The following ADAMTS3 variants were observed in gnomAD, a reference collection of about 807,000 sequenced individuals.
ADAMTS3 encodes the protein ADAM metallopeptidase with thrombospondin type 1 motif 3, also known as A disintegrin and metalloproteinase with thrombospondin motifs 3.
In ADAMTS3, 73 loss-of-function variants were observed where a neutral mutation model predicts 129.0. The ratio of observed to expected loss-of-function variants is 0.57; its 90% CI spans 0.47 to 0.69. The LOEUF is 0.69. Ranked by LOEUF, ADAMTS3 falls within the 30% of genes least tolerant of loss-of-function variation. ADAMTS3 has a pLI of 0.00. For missense variants in ADAMTS3, 1,457 were observed against 1,514.5 expected (o/e 0.96, Z 0.63); for synonymous variants, 477 against 510.8 (o/e 0.93, Z 0.89).
At chr4:72,497,497 G>T (rs1193647592) in intron 3 of ADAMTS3, among the ~76,000 whole-genome samples, 2 of 151,378 alleles carry the variant, frequency 1.3e-5, no homozygotes, top group Non-Finnish European at 3.0e-5. Flanking sequence ...ATCAAGGAGA[G>T]TCTTTTAGTA....
At position 72,306,066 on chromosome 4, in the gene ADAMTS3, C is replaced by T. The variant is rs568901802; in HGVS notation, c.2181G>A (p.Gly727=). The change falls in exon 16 of 22, where the codon GGG becomes GGA. Residue 727 remains glycine (G), a splice_region_variant and synonymous_variant. Coordinates refer to ENST00000286657, the MANE Select transcript of ADAMTS3 (RefSeq NM_014243.3). ...GTFTRTPRKL[G]YLKMFDIPPG... ...GGGGTATATCAAACATCTTAAGGTA[C>T]CCTTTGCATGTGTAGTAAATATTGT... 4 of 1,598,776 alleles carry T rather than the reference C, an allele frequency of 2.5e-6. No individual in the cohort carries two copies. The highest frequency in any genetic ancestry group is 1.4e-5 in the African/African-American group (1 of 73,730).
At chr4:72,493,567 C>G (rs1440604617) in intron 3 of ADAMTS3, among the ~76,000 whole-genome samples, 1 of 151,684 alleles carries the variant, frequency 6.6e-6, no homozygotes, top group Non-Finnish European at 1.5e-5. Flanking sequence ...ACTGTGTAAC[C>G]ACTAACACAT....
intron 4 of ADAMTS3, among the ~76,000 whole-genome samples, chr4:72,387,587 T>C (rs935510455): frequency 1.6e-4 from 24 of 152,060 alleles, no homozygotes; most frequent in Admixed American, 1.6e-3. Context: ...AGCTTGGAGG[T>C]GCATATTGGG....
chr4:72,313,907 G>A (rs1719315741), intron 11 of ADAMTS3, 85 bp from the exon 12 acceptor site: 28 of 1,465,194 alleles, frequency 1.9e-5, no homozygotes, highest in Non-Finnish European at 2.5e-5. Context: ...TAGTTGAAGG[G>A]CTTTCTTACT....
chr4:72,280,977 G>A lies in ADAMTS3; in HGVS notation c.*2159C>T, dbSNP rs1480860521. On this transcript the variant is annotated 3_prime_UTR_variant, in exon 22 of 22. Coordinates refer to ENST00000286657, the MANE Select transcript of ADAMTS3 (RefSeq NM_014243.3). ...CTAGATAGAGCCAGATGTATATTTTGTTAACATTTTTATTGGTACGTGCTC... is the reference window on the plus strand; with the variant it reads ...CTAGATAGAGCCAGATGTATATTTTATTAACATTTTTATTGGTACGTGCTC... 1 of 152,502 alleles carries A rather than the reference G, an allele frequency of 6.6e-6. No homozygotes were observed. Among genetic ancestry groups the A allele is most frequent in the Non-Finnish European group, 1.5e-5 (1 of 67,992 alleles). 9.4% of individuals were successfully genotyped at this position (152,502 alleles called of 1,614,324 possible). A position where few individuals can be genotyped will look rare whatever the true frequency, so the allele number is the denominator to read the frequency against.
intron 3 of ADAMTS3, among the ~76,000 whole-genome samples, chr4:72,484,234 A>G (rs1719518160): frequency 6.6e-6 from 1 of 152,222 alleles, no homozygotes; most frequent in Non-Finnish European, 1.5e-5. Context: ...TACAGTGCAC[A>G]GTACATATTA....
At chr4:72,315,809 A>G (rs751651142) in intron 11 of ADAMTS3, 49 bp downstream of exon 11, 28 of 1,260,974 alleles carry the variant, frequency 2.2e-5, no homozygotes, top group Non-Finnish European at 3.1e-5. Context: ...TAAAGATGAT[A>G]ATTATGCAAC....
intron 3 of ADAMTS3, among the ~76,000 whole-genome samples, chr4:72,532,847 A>C (rs1427070253): frequency 6.6e-6 from 1 of 152,168 alleles, no homozygotes; most frequent in Admixed American, 6.5e-5. Flanking sequence ...AAAATACGGT[A>C]TAAAAGATTT....
intron 9 of ADAMTS3, 144 bp from the exon 10 acceptor site, chr4:72,318,848 T>A: frequency 6.5e-6 from 5 of 774,474 alleles, no homozygotes; most frequent in Admixed American, 3.1e-5. Flanking sequence ...GTATTTAAGG[T>A]TTTGGTTTTG....
chr4:72,304,730 A>AT (rs1719040634), intron 16 of ADAMTS3, among the ~76,000 whole-genome samples: 1 of 152,066 alleles, frequency 6.6e-6, no homozygotes, highest in Non-Finnish European at 1.5e-5. Context: ...AATGAATGGG[A>AT]TTTTAAATTT....
intron 2 of ADAMTS3, among the ~76,000 whole-genome samples, chr4:72,561,170 T>G (rs188514468): frequency 1.3e-5 from 2 of 152,104 alleles, no homozygotes; most frequent in East Asian, 3.9e-4. Context: ...GCCAAGATGG[T>G]GAAACTCGTC....
Position 72,568,848 on chromosome 4 carries a change from A to AG in ADAMTS3, c.-87dup. The stretch of plus-strand genomic sequence containing the variant: ...CCCCCGCCCAAAATAAGTTTCTTTA[A>AG]GAAAAAAAGGAAAAGGGAAAAAATG... On this transcript the variant is annotated 5_prime_UTR_variant, in exon 1 of 22. Coordinates refer to ENST00000286657, the MANE Select transcript of ADAMTS3 (RefSeq NM_014243.3). 1 of 966,698 alleles carries AG rather than the reference A, an allele frequency of 1.0e-6. No individual in the cohort carries two copies. The highest frequency in any genetic ancestry group is 1.5e-5 in the South Asian group (1 of 66,876). The allele number at this position is 966,698 out of a possible 1,614,324, so 59.9% of individuals were successfully genotyped here.
chr4:72,400,120 ATATACGTGTGTATATATGCACACATGGTG>A (rs1721862194), intron 4 of ADAMTS3, among the ~76,000 whole-genome samples: 2 of 121,052 alleles, frequency 1.7e-5, no homozygotes, highest in African/African-American at 3.1e-5. Context: ...CATGGTGTGT[ATATACGTGTGTATATATGCACACATGGTG>A]TGTATATATA....
At chr4:72,350,580 T>C (rs1219790465) in intron 4 of ADAMTS3, among the ~76,000 whole-genome samples, 1 of 152,068 alleles carries the variant, frequency 6.6e-6, no homozygotes, top group Admixed American at 6.6e-5. Flanking sequence ...TGGATGCAGT[T>C]AAATTACTTG....
intron 4 of ADAMTS3, among the ~76,000 whole-genome samples, chr4:72,403,742 A>T (rs940879188): frequency 6.6e-6 from 1 of 152,076 alleles, no homozygotes; most frequent in African/African-American, 2.4e-5. Context: ...TTTTAAAATA[A>T]AAAGCTCCTA....
chr4:72,282,294 C>T lies in ADAMTS3; in HGVS notation c.*842G>A, dbSNP rs1156614952. ...AAGAGGGTTTCAGTTTTGTCTTGCA[C>T]GAGTTCATTATTTACTATTCGTTGA... On this transcript the variant is annotated 3_prime_UTR_variant, in exon 22 of 22. Coordinates refer to ENST00000286657, the MANE Select transcript of ADAMTS3 (RefSeq NM_014243.3). The T allele has an allele frequency of 2.0e-5, 3 of 151,728 alleles. No individual in the cohort carries two copies. Among genetic ancestry groups the T allele is most frequent in the South Asian group, 2.1e-4 (1 of 4,828 alleles). The allele number at this position is 151,728 out of a possible 1,614,324, so 9.4% of individuals were successfully genotyped here. A position where few individuals can be genotyped will look rare whatever the true frequency, so the allele number is the denominator to read the frequency against.
At chr4:72,407,818 CA>C (rs1466297772) in intron 4 of ADAMTS3, among the ~76,000 whole-genome samples, 2 of 152,050 alleles carry the variant, frequency 1.3e-5, no homozygotes. Flanking sequence ...ACTTGTAAAA[CA>C]TTTTTTTCAT....
rs776413377 is a variant in ADAMTS3 at position 72,420,574 on chromosome 4, TC to T, written c.505-5604del. Among the ~76,000 whole-genome samples, 217 of 152,338 alleles carry T rather than the reference TC, an allele frequency of 1.4e-3. 1 individual carries two copies. Among genetic ancestry groups the T allele is most frequent in the Non-Finnish European group, 2.6e-3 (177 of 68,036 alleles). On this transcript the variant is annotated intron_variant, in intron 3 of 21. Coordinates refer to ENST00000286657, the MANE Select transcript of ADAMTS3 (RefSeq NM_014243.3). ...TCGATCACTTAACTGCCTATCATGT[TC>T]ATTGTTTATTGTTAGTAACCCACCA...
rs1278184085 is a variant in ADAMTS3 at position 72,312,413 on chromosome 4, C to A, written c.1799G>T (p.Cys600Phe). ...GTGTTTTTGGCATTCTTCTGTGTTA[C>A]AAAGCTGGTACTCAAAATTAACACC... ...CPGVNFEYQL[C>F]NTEECQKHFE... The change falls in exon 13 of 22, where the codon TGT (cysteine) becomes TTT (phenylalanine). Residue 600 changes from cysteine to phenylalanine, a missense_variant. Physicochemically the swap from Cys to Phe is radical, Grantham distance 205. Coordinates refer to ENST00000286657, the MANE Select transcript of ADAMTS3 (RefSeq NM_014243.3). 6.2e-7 allele frequency: 1 copy of A among 1,613,638 alleles called. No homozygotes were observed. Among genetic ancestry groups the A allele is most frequent in the African/African-American group, 1.3e-5 (1 of 75,010 alleles).
Sources: gnomAD v4.1 joint callset for allele counts (sites outside exome capture counted in the v4.1 genomes callset) on GRCh38, gnomAD v4.1.1 for gene constraint, MANE v1.5 for transcripts, NCBI Gene and HGNC (gene_info 2026-07-23, HGNC 2026-07-21) for gene names.